Variants in RSU1 observed in about 807,000 individuals in gnomAD.
RSU1 encodes rsu-1.
RSU1 carries 26 observed loss-of-function variants against 31.1 expected under a neutral mutation model. That is an observed-to-expected ratio of 0.84 (90% CI 0.61 to 1.16). The LOEUF (loss-of-function observed/expected upper bound fraction) is 1.16, where lower values mean the gene tolerates loss of function less well. RSU1 is among the 50% of genes most tolerant of loss of function. The pLI is 0.00. For missense variants in RSU1, 320 were observed against 339.1 expected (o/e 0.94, Z 0.44); for synonymous variants, 164 against 136.3 (o/e 1.20, Z -1.41).
chr10:16,719,876 T>A (rs780224328), intron 7 of RSU1, among the ~76,000 whole-genome samples: 1 of 152,226 alleles, frequency 6.6e-6, no homozygotes, highest in Non-Finnish European at 1.5e-5. Context: ...CAATTCAAGA[T>A]TGGGGACAAT....
At chr10:16,772,097 C>CT (rs1837434323) in intron 3 of RSU1, among the ~76,000 whole-genome samples, 1 of 152,218 alleles carries the variant, frequency 6.6e-6, no homozygotes, top group African/African-American at 2.4e-5. Context: ...AAAATATCCC[C>CT]TGGCTTAACT....
intron 8 of RSU1, among the ~76,000 whole-genome samples, chr10:16,608,429 C>T (rs1359025068): frequency 2.6e-5 from 4 of 151,488 alleles, no homozygotes; most frequent in Non-Finnish European, 4.4e-5. Flanking sequence ...CTACTACCTA[C>T]ATGTGCATTA....
rs1834707913 is a variant in RSU1 at position 16,652,641 on chromosome 10, TAA to T, written c.731+42380_731+42381del. ...AGAACTCATAAACATGGCAAATGTA[TAA>T]GTTTATTTGAATGTATTAGATACAA... On this transcript the variant is annotated intron_variant, in intron 8 of 8. Coordinates refer to ENST00000345264, the MANE Select transcript of RSU1 (RefSeq NM_012425.4). Among the ~76,000 whole-genome samples the T allele has an allele frequency of 2.0e-5, 3 of 152,202 alleles. No homozygotes were observed. The South Asian group carries it at 6.2e-4, about 31-fold the overall frequency.
intron 8 of RSU1, among the ~76,000 whole-genome samples, chr10:16,670,995 A>G (rs1835095396): frequency 6.6e-6 from 1 of 152,080 alleles, no homozygotes; most frequent in East Asian, 1.9e-4. Context: ...TGAACTCCTG[A>G]CCTCAGGTGA....
At chr10:16,622,338 C>T (rs1386347338) in intron 8 of RSU1, among the ~76,000 whole-genome samples, 1 of 152,106 alleles carries the variant, frequency 6.6e-6, no homozygotes, top group Admixed American at 6.6e-5. Context: ...GTTTCTTTTT[C>T]TGAAGAGAAC....
intron 2 of RSU1, among the ~76,000 whole-genome samples, chr10:16,796,513 C>A (rs1273781343): frequency 2.6e-5 from 4 of 152,194 alleles, no homozygotes; most frequent in African/African-American, 9.7e-5. Context: ...CCATTAGACT[C>A]TTCACCCCTA....
chr10:16,658,060 G>C (rs2131523825), intron 8 of RSU1, among the ~76,000 whole-genome samples: 1 of 152,276 alleles, frequency 6.6e-6, no homozygotes, highest in East Asian at 1.9e-4. Flanking sequence ...TGATGCCCCG[G>C]GGGATTCTTC....
chr10:16,692,297 T>C (rs1318420980), intron 8 of RSU1, among the ~76,000 whole-genome samples: 1 of 152,222 alleles, frequency 6.6e-6, no homozygotes, highest in Non-Finnish European at 1.5e-5. Context: ...AGAATGGTGA[T>C]TAATTGCCTA....
At chr10:16,605,042 G>A (rs1833779703) in intron 8 of RSU1, among the ~76,000 whole-genome samples, 1 of 152,308 alleles carries the variant, frequency 6.6e-6, no homozygotes, top group African/African-American at 2.4e-5. Context: ...GAGAGACTGG[G>A]CCTAAGGACA....
rs189180782 is a variant in RSU1, at chr10:16,790,189, C to A, written c.110-8105G>T. ...ATTTCAAAAGAAAGACAATCAAGGA[C>A]TCACGCAGGCACTTATTGACTGGAT... On this transcript the variant is annotated intron_variant, in intron 2 of 8. Transcript: ENST00000345264. Among the ~76,000 whole-genome samples the A allele has an allele frequency of 2.4e-3, 361 of 152,254 alleles. 1 individual carries two copies. Among genetic ancestry groups the A allele is most frequent in the African/African-American group, 8.0e-3 (332 of 41,542 alleles).
chr10:16,669,533 T>C (rs1476158540), intron 8 of RSU1, among the ~76,000 whole-genome samples: 3 of 152,192 alleles, frequency 2.0e-5, no homozygotes, highest in African/African-American at 7.2e-5. Context: ...GAAACCTCCC[T>C]CTTCCTAACA....
Position 16,764,464 on chromosome 10 carries a change from G to A in RSU1, c.207C>T (p.Asn69=), listed in dbSNP as rs1251036959. 6.2e-7 allele frequency: 1 copy of A among 1,613,976 alleles called. No individual in the cohort carries two copies. The highest frequency in any genetic ancestry group is 1.3e-5 in the African/African-American group (1 of 75,010). ...IAELKNLEVL[N]FFNNQIEELP... is the part of the protein sequence containing the mutation. The stretch of plus-strand genomic sequence containing the variant: ...GCTCCTCGATTTGGTTATTAAAAAA[G>A]TTGAGCACCTCCAAATTCTTCAGTT... Residue 69 remains asparagine (N), a synonymous_variant, in exon 4 of 9, where the codon AAC becomes AAT. Coordinates refer to ENST00000345264, the MANE Select transcript of RSU1 (RefSeq NM_012425.4).
At chr10:16,698,813 T>G (rs1302159635) in intron 7 of RSU1, among the ~76,000 whole-genome samples, 1 of 152,212 alleles carries the variant, frequency 6.6e-6, no homozygotes, top group Non-Finnish European at 1.5e-5. Flanking sequence ...CTATTCACGA[T>G]CATCTTCACT....
chr10:16,605,770 TTA>T (rs903855018), intron 8 of RSU1, among the ~76,000 whole-genome samples: 7 of 152,186 alleles, frequency 4.6e-5, no homozygotes, highest in African/African-American at 1.7e-4. Context: ...CAACAACTTC[TTA>T]TGTTTTTTCC....
intron 7 of RSU1, among the ~76,000 whole-genome samples, chr10:16,716,097 T>C (rs555695412): frequency 2.0e-4 from 30 of 152,310 alleles, no homozygotes; most frequent in South Asian, 8.3e-4. Context: ...AAAATCTCCT[T>C]AGTCGGAATT....
chr10:16,706,057 G>A (rs1835894312), intron 7 of RSU1, among the ~76,000 whole-genome samples: 1 of 152,196 alleles, frequency 6.6e-6, no homozygotes, highest in Non-Finnish European at 1.5e-5. Context: ...GTACACGTGT[G>A]CTGCATTCAC....
In RSU1 at chr10:16,732,772, T is replaced by C. The variant is rs142758653; in HGVS notation, c.598+19767A>G. On this transcript the variant is annotated intron_variant, in intron 7 of 8. Transcript: ENST00000345264. The stretch of plus-strand genomic sequence containing the variant: ...TATTCTTCAAGTTTCACTAGGTTAG[T>C]AGCTCTGTTAGAAACAGAACTGGGT... Among the ~76,000 whole-genome samples, 450 of 152,358 alleles carry C rather than the reference T, an allele frequency of 3.0e-3. 3 individuals carry two copies. Among genetic ancestry groups the C allele is most frequent in the African/African-American group, 0.01 (434 of 41,586 alleles).
chr10:16,743,038 T>C lies in RSU1; in HGVS notation c.598+9501A>G, dbSNP rs368579052. 5.9e-5 allele frequency among the ~76,000 whole-genome samples: 9 copies of C among 152,322 alleles called. No individual in the cohort carries two copies. The East Asian group carries it at 1.7e-3, about 29-fold the overall frequency. ...AGTGAAGGCCAGGGGAATCAAAGGA[T>C]ATGGTATGATTTTTTGTGAAGTATG... is the stretch of plus-strand genomic sequence containing the variant. On this transcript the variant is annotated intron_variant, in intron 7 of 8. Coordinates refer to ENST00000345264, the MANE Select transcript of RSU1 (RefSeq NM_012425.4).
At chr10:16,649,716 T>G (rs932976416) in intron 8 of RSU1, among the ~76,000 whole-genome samples, 15 of 152,178 alleles carry the variant, frequency 9.9e-5, no homozygotes, top group Non-Finnish European at 1.9e-4. Flanking sequence ...TACAAAAAAT[T>G]CAACCATCTT....
Sources: allele counts gnomAD v4.1 joint callset (sites outside exome capture counted in the v4.1 genomes callset), GRCh38; gene constraint gnomAD v4.1.1; transcripts MANE v1.5; gene names NCBI Gene and HGNC (gene_info 2026-07-23, HGNC 2026-07-21).